The following PSD3 variants were observed in gnomAD, a reference collection of about 807,000 sequenced individuals.
The protein encoded by PSD3 is pleckstrin and Sec7 domain containing 3.
Under a neutral mutation model 105.5 loss-of-function variants are expected in PSD3, and 49 were observed. The observed-to-expected ratio is 0.46, with a 90% CI of 0.37 to 0.59. The LOEUF is 0.59. Ranked by LOEUF, PSD3 falls within the 20% of genes least tolerant of loss-of-function variation. The pLI is 0.00. For missense variants in PSD3, 1,561 were observed against 1,263.8 expected, an observed-to-expected ratio of 1.24 and a Z score of -3.57; for synonymous variants, 557 against 457.8, an observed-to-expected ratio of 1.22 and a Z score of -2.77.
intron 1 of PSD3, among the ~76,000 whole-genome samples, chr8:18,956,378 G>A (rs1418158565): frequency 6.6e-6 from 1 of 152,184 alleles, no homozygotes; most frequent in Non-Finnish European, 1.5e-5. Context: ...TTTCTAACAA[G>A]ATCCCAGGTG....
intron 11 of PSD3, among the ~76,000 whole-genome samples, chr8:18,612,086 A>C (rs1805309280): frequency 6.6e-6 from 1 of 152,232 alleles, no homozygotes. Flanking sequence ...CTGTACGGAA[A>C]AGAAAAATAA....
At chr8:18,866,414 G>C (rs1248211770) in intron 4 of PSD3, among the ~76,000 whole-genome samples, 4 of 152,134 alleles carry the variant, frequency 2.6e-5, no homozygotes, top group Non-Finnish European at 5.9e-5. Context: ...TCCTGTGCGA[G>C]GTGCTTTAGT....
chr8:18,620,314 CT>C (rs1393519148), intron 11 of PSD3, among the ~76,000 whole-genome samples: 2 of 149,456 alleles, frequency 1.3e-5, no homozygotes, highest in East Asian at 3.9e-4. Flanking sequence ...TGTCTCGGGA[CT>C]ACTTACTGAA....
chr8:18,724,229 C>A (rs140937412), intron 9 of PSD3, among the ~76,000 whole-genome samples: 2 of 152,036 alleles, frequency 1.3e-5, no homozygotes, highest in South Asian at 4.2e-4. Context: ...GCTATTACAG[C>A]GGTCTATAAA....
At chr8:18,951,175 G>A (rs1356871216) in intron 1 of PSD3, among the ~76,000 whole-genome samples, 1 of 151,820 alleles carries the variant, frequency 6.6e-6, no homozygotes, top group Non-Finnish European at 1.5e-5. Flanking sequence ...TGGGAAGGTT[G>A]CTTGAGCCCA....
At chr8:18,575,940 G>A (rs138474061) in intron 12 of PSD3, among the ~76,000 whole-genome samples, 121 of 152,224 alleles carry the variant, frequency 7.9e-4, no homozygotes, top group African/African-American at 2.5e-3. Flanking sequence ...ATATTTTCTA[G>A]AGTTTAAGGC....
chr8:18,777,827 T>C (rs890519375), intron 8 of PSD3, among the ~76,000 whole-genome samples: 1 of 152,176 alleles, frequency 6.6e-6, no homozygotes, highest in Non-Finnish European at 1.5e-5. Context: ...CAGCCTCTGG[T>C]AAATATCATT....
chr8:18,813,416 G>C (rs1451457338), intron 4 of PSD3, among the ~76,000 whole-genome samples: 1 of 152,182 alleles, frequency 6.6e-6, no homozygotes, highest in African/African-American at 2.4e-5. Flanking sequence ...GAATTCAGTA[G>C]ATGTGAACTA....
intron 10 of PSD3, among the ~76,000 whole-genome samples, chr8:18,648,674 A>G (rs934962379): frequency 1.3e-5 from 2 of 152,200 alleles, no homozygotes; most frequent in Non-Finnish European, 2.9e-5. Context: ...GAAAATGGGG[A>G]AAATGCCTCA....
rs527717653 is a variant in PSD3, at chr8:18,642,364, C to T, written c.2217-9558G>A. Reference sequence around the variant, plus strand: ...ACATATATGTATAAATTATAATGTACGAGTACATAAATGCTCAATGAAACA... The same window carrying T: ...ACATATATGTATAAATTATAATGTATGAGTACATAAATGCTCAATGAAACA... On this transcript the variant is annotated intron_variant, in intron 10 of 15. Coordinates refer to ENST00000327040, the MANE Select transcript of PSD3 (RefSeq NM_015310.4). 1.6e-4 allele frequency among the ~76,000 whole-genome samples: 24 copies of T among 152,154 alleles called. No homozygotes were observed. In the East Asian group the frequency reaches 2.9e-3, roughly 18 times the overall value.
intron 4 of PSD3, among the ~76,000 whole-genome samples, chr8:18,863,932 A>C (rs945509873): frequency 2.6e-5 from 4 of 152,198 alleles, no homozygotes; most frequent in African/African-American, 4.8e-5. Flanking sequence ...AAGTGCTACA[A>C]CACCACAATC....
Position 18,805,006 on chromosome 8 carries a change from T to A in PSD3, c.1635-108A>T. The A allele has an allele frequency of 3.2e-6, 3 of 938,106 alleles. No homozygotes were observed. In the South Asian group the frequency reaches 5.1e-5, roughly 16 times the overall value. 58.1% of individuals were successfully genotyped at this position (938,106 alleles called of 1,614,324 possible). The stretch of plus-strand genomic sequence containing the variant: ...TTCTTTTAGTTCAGCTACACTTAGA[T>A]GAGATCACTGTATGTTTAAATATTC... On this transcript the variant is annotated intron_variant, in intron 4 of 15. Coordinates refer to ENST00000327040, the MANE Select transcript of PSD3 (RefSeq NM_015310.4).
At chr8:19,076,508 A>G (rs1349384421) in intron 1 of PSD3, among the ~76,000 whole-genome samples, 4 of 152,140 alleles carry the variant, frequency 2.6e-5, no homozygotes, top group Non-Finnish European at 4.4e-5. Context: ...TATAAGGGCA[A>G]ATAGTCTGAA....
intron 11 of PSD3, among the ~76,000 whole-genome samples, chr8:18,605,194 C>G (rs2263520): frequency 6.6e-6 from 1 of 152,136 alleles, no homozygotes; most frequent in East Asian, 1.9e-4. Flanking sequence ...ATCCCATGAG[C>G]GCAGCTGCAG....
chr8:18,699,343 C>A (rs1210087474), intron 9 of PSD3, among the ~76,000 whole-genome samples: 1 of 152,216 alleles, frequency 6.6e-6, no homozygotes, highest in South Asian at 2.1e-4. Context: ...CTAGCTTTGA[C>A]AACCATGTAA....
At chr8:18,760,079 C>A (rs1806393592) in intron 9 of PSD3, among the ~76,000 whole-genome samples, 2 of 151,620 alleles carry the variant, frequency 1.3e-5, no homozygotes, top group African/African-American at 4.9e-5. Context: ...GATCAAGACA[C>A]TGCATTTTGA....
chr8:18,952,246 C>G (rs1823285204), intron 1 of PSD3, among the ~76,000 whole-genome samples: 1 of 152,164 alleles, frequency 6.6e-6, no homozygotes, highest in African/African-American at 2.4e-5. Flanking sequence ...TCCAGAACTT[C>G]TGAAGATTAT....
chr8:18,965,455 G>T lies in PSD3; in HGVS notation c.22-29313C>A, dbSNP rs545467237. ...CCTTGTTCTCTCATCCCATTACCCC[G>T]TTCGGCGGGGGTGACAGTGACAGCA... On this transcript the variant is annotated intron_variant, in intron 1 of 15. Coordinates refer to ENST00000327040, the MANE Select transcript of PSD3 (RefSeq NM_015310.4). 1.4e-4 allele frequency among the ~76,000 whole-genome samples: 22 copies of T among 152,262 alleles called. 1 individual carries two copies. Among genetic ancestry groups the T allele is most frequent in the South Asian group, 4.1e-4 (2 of 4,822 alleles).
intron 1 of PSD3, among the ~76,000 whole-genome samples, chr8:19,083,347 G>A (rs1025461257): frequency 1.1e-4 from 16 of 152,316 alleles, no homozygotes; most frequent in South Asian, 2.1e-4. Context: ...CAAGAACAAC[G>A]GGAAGGCTGG....
Sources: allele counts gnomAD v4.1 joint callset (sites outside exome capture counted in the v4.1 genomes callset), GRCh38; gene constraint gnomAD v4.1.1; transcripts MANE v1.5; gene names NCBI Gene and HGNC (gene_info 2026-07-23, HGNC 2026-07-21).